CAMKMT: variants seen among roughly 807,000 people sequenced by gnomAD.
CAMKMT encodes the protein CaM KMT.
CAMKMT carries 53 observed loss-of-function variants against 48.0 expected under a neutral mutation model. The observed-to-expected ratio is 1.10, with a 90% confidence interval of 0.89 to 1.39. The LOEUF (loss-of-function observed/expected upper bound fraction) is 1.39. CAMKMT is among the 40% of genes most tolerant of loss of function. The pLI, the probability that CAMKMT is intolerant of heterozygous loss-of-function variation, is 0.00. For synonymous variants in CAMKMT, 165 were observed against 152.3 expected, an observed-to-expected ratio of 1.08 and a Z score of -0.61; for missense variants, 428 against 402.7, an observed-to-expected ratio of 1.06 and a Z score of -0.54.
At chr2:44,568,206 A>C (rs1303028422) in intron 3 of CAMKMT, among the ~76,000 whole-genome samples, 1 of 152,056 alleles carries the variant, frequency 6.6e-6, no homozygotes, top group African/African-American at 2.4e-5. Flanking sequence ...GAAATGAGCA[A>C]AACGAGCAAA....
chr2:44,630,984 C>A (rs1054357467), intron 3 of CAMKMT, among the ~76,000 whole-genome samples: 16 of 152,010 alleles, frequency 1.1e-4, no homozygotes, highest in Non-Finnish European at 1.0e-4. Flanking sequence ...ATAGCAAAGA[C>A]TTGGAACCAA....
At chr2:44,486,438 G>A (rs1669221728) in intron 3 of CAMKMT, among the ~76,000 whole-genome samples, 1 of 152,176 alleles carries the variant, frequency 6.6e-6, no homozygotes, top group South Asian at 2.1e-4. Context: ...CAGAGCAGAG[G>A]AAAAGCAGTC....
chr2:44,593,832 C>T (rs923693856), intron 3 of CAMKMT, among the ~76,000 whole-genome samples: 14 of 141,756 alleles, frequency 9.9e-5, no homozygotes, highest in Non-Finnish European at 1.7e-4. Flanking sequence ...GGCGTGATCT[C>T]AGCTCACCAC....
At chr2:44,617,062 A>G (rs1193352908) in intron 3 of CAMKMT, among the ~76,000 whole-genome samples, 3 of 152,182 alleles carry the variant, frequency 2.0e-5, no homozygotes, top group African/African-American at 7.2e-5. Flanking sequence ...CGTGAATGTC[A>G]TGGGATAAAA....
intron 7 of CAMKMT, among the ~76,000 whole-genome samples, chr2:44,737,242 G>C (rs569974702): frequency 6.6e-6 from 1 of 151,938 alleles, no homozygotes; most frequent in African/African-American, 2.4e-5. Flanking sequence ...CAGCCCCCCA[G>C]GTAGCTGGGA....
intron 3 of CAMKMT, among the ~76,000 whole-genome samples, chr2:44,509,848 A>T (rs1035320277): frequency 7.2e-5 from 11 of 152,280 alleles, no homozygotes; most frequent in Admixed American, 7.2e-4. Flanking sequence ...GTGCTATGTT[A>T]CAACGTGGGA....
intron 3 of CAMKMT, among the ~76,000 whole-genome samples, chr2:44,488,785 G>C (rs1218805942): frequency 6.6e-6 from 1 of 151,826 alleles, no homozygotes; most frequent in Non-Finnish European, 1.5e-5. Context: ...GAAATATGGA[G>C]TCATACTTTT....
intron 3 of CAMKMT, among the ~76,000 whole-genome samples, chr2:44,462,121 C>A (rs974306550): frequency 6.6e-6 from 1 of 151,952 alleles, no homozygotes; most frequent in Non-Finnish European, 1.5e-5. Flanking sequence ...GGGGCTTTCT[C>A]CTGTACATGG....
intron 3 of CAMKMT, among the ~76,000 whole-genome samples, chr2:44,591,978 C>T (rs1280610940): frequency 6.6e-6 from 1 of 151,684 alleles, no homozygotes; most frequent in African/African-American, 2.4e-5. Flanking sequence ...AAACCAAACA[C>T]CGCATATTCT....
chr2:44,500,169 C>T (rs1019119078), intron 3 of CAMKMT, among the ~76,000 whole-genome samples: 1 of 152,122 alleles, frequency 6.6e-6, no homozygotes, highest in African/African-American at 2.4e-5. Flanking sequence ...CCCTACATGT[C>T]TCTAGAGTAT....
chr2:44,414,383 G>A (rs907202007), intron 3 of CAMKMT, among the ~76,000 whole-genome samples: 5 of 152,138 alleles, frequency 3.3e-5, no homozygotes, highest in Admixed American at 6.5e-5. Flanking sequence ...TGAGGTTGCC[G>A]TTATCTCAGT....
At chr2:44,383,088 CTG>C (rs1680417675) in intron 2 of CAMKMT, among the ~76,000 whole-genome samples, 1 of 151,864 alleles carries the variant, frequency 6.6e-6, no homozygotes, top group Non-Finnish European at 1.5e-5. Context: ...GGCCATTCCT[CTG>C]TGCATGCATG....
chr2:44,419,879 T>G (rs1455026664), intron 3 of CAMKMT, among the ~76,000 whole-genome samples: 1 of 151,864 alleles, frequency 6.6e-6, no homozygotes, highest in Non-Finnish European at 1.5e-5. Flanking sequence ...TTAAAAAAAT[T>G]TTTTTTTTCT....
intron 7 of CAMKMT, among the ~76,000 whole-genome samples, chr2:44,729,936 A>G (rs1678991942): frequency 6.6e-6 from 1 of 152,174 alleles, no homozygotes; most frequent in South Asian, 2.1e-4. Context: ...ATTTCAACAG[A>G]CTATCTAAGA....
At chr2:44,597,697 G>A (rs925815364) in intron 3 of CAMKMT, among the ~76,000 whole-genome samples, 2 of 152,116 alleles carry the variant, frequency 1.3e-5, no homozygotes, top group African/African-American at 4.8e-5. Context: ...TACAATTGTG[G>A]TATAGTAACA....
At chr2:44,632,639 G>A (rs1423311982) in intron 3 of CAMKMT, among the ~76,000 whole-genome samples, 1 of 152,182 alleles carries the variant, frequency 6.6e-6, no homozygotes, top group African/African-American at 2.4e-5. Context: ...AAGATGCAAA[G>A]TATTGATCCT....
intron 3 of CAMKMT, among the ~76,000 whole-genome samples, chr2:44,624,546 C>T (rs1187536897): frequency 2.0e-5 from 3 of 152,014 alleles, no homozygotes; most frequent in African/African-American, 7.2e-5. Flanking sequence ...TCTCATTGTT[C>T]AGTTCCTACC....
intron 3 of CAMKMT, among the ~76,000 whole-genome samples, chr2:44,409,762 G>C (rs1683061851): frequency 6.6e-6 from 1 of 152,026 alleles, no homozygotes; most frequent in Non-Finnish European, 1.5e-5. Flanking sequence ...AATTCATATG[G>C]AAAATCACTG....
intron 3 of CAMKMT, among the ~76,000 whole-genome samples, chr2:44,594,598 T>G (rs999287581): frequency 1.6e-4 from 24 of 152,306 alleles, no homozygotes; most frequent in Non-Finnish European, 2.6e-4. Flanking sequence ...CTGGGAAAAC[T>G]GGCTAGCCAT....
Sources: allele counts gnomAD v4.1 joint callset (sites outside exome capture counted in the v4.1 genomes callset), GRCh38; gene constraint gnomAD v4.1.1; transcripts MANE v1.5; gene names NCBI Gene and HGNC (gene_info 2026-07-23, HGNC 2026-07-21).